TTN: variants seen among roughly 807,000 people sequenced by gnomAD.
TTN encodes the protein titin, also known as connectin.
TTN carries 1,525 observed loss-of-function variants against 3,223.0 expected under a neutral mutation model. The ratio of observed to expected loss-of-function variants is 0.47; its 90% CI spans 0.45 to 0.49. The LOEUF (loss-of-function observed/expected upper bound fraction) is 0.49. TTN is among the 20% of genes least tolerant of loss of function. The probability of loss-of-function intolerance (pLI) is 0.00; values close to 1 mark genes in which losing one functional copy is unlikely to be tolerated. For missense variants in TTN, 40,786 were observed against 43,424.0 expected, an observed-to-expected ratio of 0.94 and a Z score of 5.40; for synonymous variants, 14,094 against 15,161.0, an observed-to-expected ratio of 0.93 and a Z score of 5.17.
At chr2:178,748,438 C>T (rs1294353815) in intron 47 of TTN, 19 of 1,612,922 alleles carry the variant, frequency 1.2e-5, no homozygotes, top group East Asian at 2.2e-5. Flanking sequence ...CAGGTTGTAA[C>T]GTTTCAGGGC....
intron 281 of TTN, 82 bp downstream of exon 281, chr2:178,604,626 A>C: frequency 7.1e-7 from 1 of 1,417,636 alleles, no homozygotes; most frequent in Non-Finnish European, 9.5e-7. Context: ...TTAATTATCA[A>C]ATTCCAAGGT....
chr2:178,570,739 A>C lies in TTN; in HGVS notation c.75393T>G (p.Val25131=). 1 of 1,613,574 alleles carries C rather than the reference A, an allele frequency of 6.2e-7. No individual in the cohort carries two copies. The highest frequency in any genetic ancestry group is 1.1e-5 in the South Asian group (1 of 91,076). The change falls in exon 326 of 363, where the codon GTT becomes GTG. Residue 25131 remains valine, a synonymous_variant. Transcript: ENST00000589042. ...IVVHAGESFK[V]DADIYGKPIP... The stretch of plus-strand genomic sequence containing the variant: ...TTGGTTTGCCATAAATATCTGCATC[A>C]ACCTTGAATGATTCACCAGCATGAA...
intron 316 of TTN, 140 bp from the exon 317 acceptor site, chr2:178,580,749 C>T (rs1362271767): frequency 3.6e-6 from 3 of 829,302 alleles, no homozygotes; most frequent in Non-Finnish European, 5.5e-6. Flanking sequence ...ATACAATCCT[C>T]AAAATCATTT....
intron 33 of TTN, 108 bp downstream of exon 33, chr2:178,773,001 C>T (rs2091755888): frequency 7.0e-7 from 1 of 1,426,522 alleles, no homozygotes; most frequent in Non-Finnish European, 9.7e-7. Flanking sequence ...ACAGCATAAG[C>T]AGAGGCATGG....
rs1064795407 is a variant in TTN at position 178,563,537 on chromosome 2, G to GT, written c.82594dup (p.Thr27532AsnfsTer10). On this transcript the variant is annotated frameshift_variant, in exon 326 of 363. Transcript: ENST00000589042. LOFTEE classifies it high-confidence loss of function. The surrounding 1 kb of genome is among the most constrained non-coding windows in gnomAD (Gnocchi z 4.5). Reference sequence around the variant, plus strand: ...ATAGGAATGGCCTTCGGTAAGACCAGTTACCCTGAGCCGCAGATCCGTTAA... The same window carrying GT: ...ATAGGAATGGCCTTCGGTAAGACCAGTTTACCCTGAGCCGCAGATCCGTTAA... 1 of 1,613,656 alleles carries GT rather than the reference G, an allele frequency of 6.2e-7. No individual in the cohort carries two copies. Among genetic ancestry groups the GT allele is most frequent in the Non-Finnish European group, 8.5e-7 (1 of 1,179,758 alleles).
rs2049602716 is a variant in TTN at position 178,588,752 on chromosome 2, A to T, written c.62973T>A (p.Gly20991=). The change falls in exon 304 of 363, where the codon GGT becomes GGA. Residue 20991 remains glycine, a synonymous_variant. Coordinates refer to ENST00000589042, the MANE Select transcript of TTN (RefSeq NM_001267550.2). ...AAAAGTATCCAGTTATAGACTTTCC[A>T]CCATCATATTCAGGTGGATTCCAAA... ...TVVWNPPEYD[G]GKSITGYFLE... 1 of 1,613,090 alleles carries T rather than the reference A, an allele frequency of 6.2e-7. No homozygotes were observed. Among genetic ancestry groups the T allele is most frequent in the Admixed American group, 1.7e-5 (1 of 59,928 alleles).
intron 111 of TTN, 50 bp from the exon 112 acceptor site, chr2:178,698,964 TAACTAAAA>T (rs2074255619): frequency 2.8e-6 from 4 of 1,451,764 alleles, no homozygotes; most frequent in Non-Finnish European, 3.6e-6. Context: ...CTGGTGTAAG[TAACTAAAA>T]TGCTTTCAGG....
chr2:178,557,068 A>G lies in TTN; in HGVS notation c.88086T>C (p.Asp29362=), dbSNP rs1184300721. Residue 29362 remains aspartate, a synonymous_variant, in exon 330 of 363, where the codon GAT becomes GAC. Coordinates refer to ENST00000589042, the MANE Select transcript of TTN (RefSeq NM_001267550.2). ...TGTAGCCTGTAATCTTGCTACCTCC[A>G]TCGAAAGCTGGTTGTTGCCATGAAA... ...VSLSWQQPAF[D]GGSKITGYIV... is the part of the protein sequence containing the mutation. 1.2e-6 allele frequency: 2 copies of G among 1,613,716 alleles called. No homozygotes were observed. The highest frequency in any genetic ancestry group is 1.7e-5 in the Admixed American group (1 of 60,002).
Position 178,777,705 on chromosome 2 carries a change from A to G in TTN, c.4479T>C (p.Asp1493=), listed in dbSNP as rs1403235099. Residue 1493 remains aspartate (D), a splice_region_variant and synonymous_variant, in exon 25 of 363, where the codon GAT becomes GAC. Coordinates refer to ENST00000589042, the MANE Select transcript of TTN (RefSeq NM_001267550.2). ...TGAGCAAAAACTTATCACGCTTACCATCATGAAACCAGAACGTCTCTGGCA... is the reference window on the plus strand; with the variant it reads ...TGAGCAAAAACTTATCACGCTTACCGTCATGAAACCAGAACGTCTCTGGCA... The part of the protein sequence containing the change: ...RPMPETFWFH[D]GQQIVNDYTH... 6.2e-7 allele frequency: 1 copy of G among 1,614,088 alleles called. No homozygotes were observed. The highest frequency in any genetic ancestry group is 8.5e-7 in the Non-Finnish European group (1 of 1,179,956).
In TTN at chr2:178,561,934, C is replaced by T. The variant is rs2154160299; in HGVS notation, c.84198G>A (p.Glu28066=). Residue 28066 remains glutamate, a synonymous_variant, in exon 326 of 363, where the codon GAG becomes GAA. Transcript: ENST00000589042. ...AAATGGTTATGCTGTCACAACTAAC[C>T]TCATCAATACGTATAGGACCTGGAG... ...PGPPGPIRID[E]VSCDSITISW... is the part of the protein sequence containing the mutation. The T allele has an allele frequency of 6.2e-7, 1 of 1,613,452 alleles. No individual in the cohort carries two copies. The highest frequency in any genetic ancestry group is 8.5e-7 in the Non-Finnish European group (1 of 1,179,662).
chr2:178,736,734 T>G (rs1050707830), intron 49 of TTN, among the ~76,000 whole-genome samples: 7 of 152,194 alleles, frequency 4.6e-5, no homozygotes, highest in Non-Finnish European at 8.8e-5. Flanking sequence ...ATTCCTAAAT[T>G]GACCTAATTT....
intron 16 of TTN, 73 bp downstream of exon 16, chr2:178,783,997 G>A (rs950450536): frequency 1.2e-6 from 2 of 1,606,332 alleles, no homozygotes; most frequent in Non-Finnish European, 1.7e-6. Flanking sequence ...CTACTTTTCA[G>A]TACAAACTAG....
chr2:178,631,129 C>T lies in TTN; in HGVS notation c.43919G>A (p.Arg14640His), dbSNP rs752141195. The T allele has an allele frequency of 8.7e-6, 14 of 1,613,260 alleles. No homozygotes were observed. Among genetic ancestry groups the T allele is most frequent in the South Asian group, 7.7e-5 (7 of 91,068 alleles). Residue 14640 changes from arginine (R) to histidine (H), a missense_variant, in exon 237 of 363, where the codon CGC (arginine) becomes CAC (histidine). Arg to His is a conservative substitution (Grantham distance 29). Transcript: ENST00000589042. ...CAAGGCTTTCTTTAGGATTAGCATG[C>T]GTTTCTTGCCATCTGCCTTAATAAC... ...NAVIKADGKK[R>H]MLILKKALKS...
chr2:178,652,080 A>T lies in TTN; in HGVS notation c.39295+16T>A. On this transcript the variant is annotated intron_variant, in intron 204 of 362. Transcript: ENST00000589042. ...ATTTTTTTAAAAAACACTAATTTGA[A>T]TAGTTTCATTATTACCTTCAGGGGG... The T allele has an allele frequency of 1.2e-6, 2 of 1,613,194 alleles. No individual in the cohort carries two copies. The highest frequency in any genetic ancestry group is 1.7e-6 in the Non-Finnish European group (2 of 1,179,632).
chr2:178,625,447 T>A, intron 240 of TTN, 51 bp from the exon 241 acceptor site: 4 of 1,469,884 alleles, frequency 2.7e-6, no homozygotes, highest in South Asian at 1.5e-5. Flanking sequence ...AGTATATGGG[T>A]GCATTTAATT....
chr2:178,782,489 T>A, intron 19 of TTN, 50 bp downstream of exon 19: 1 of 1,613,748 alleles, frequency 6.2e-7, no homozygotes, highest in Non-Finnish European at 8.5e-7. Context: ...CTGGTGGGGC[T>A]GAAAGTCAAA....
chr2:178,564,296 G>C lies in TTN; in HGVS notation c.81836C>G (p.Pro27279Arg), dbSNP rs776798967. 6.2e-7 allele frequency: 1 copy of C among 1,613,492 alleles called. No homozygotes were observed. The change falls in exon 326 of 363, where the codon CCA (proline) becomes CGA (arginine). Residue 27279 changes from proline (P) to arginine (R), a missense_variant. Coordinates refer to ENST00000589042, the MANE Select transcript of TTN (RefSeq NM_001267550.2). ...AACAACGATGACATCTTTATATTTT[G>C]GATCCAGAGAGGCATTTGGTGCATC... is the stretch of plus-strand genomic sequence containing the variant. ...EIDAPNASLD[P>R]KYKDVIVVHA...
At chr2:178,635,401 G>T in intron 227 of TTN, 39 bp downstream of exon 227, 1 of 1,602,992 alleles carries the variant, frequency 6.2e-7, no homozygotes, top group East Asian at 2.2e-5. Flanking sequence ...TTACACATAC[G>T]CAAAACTTAT....
At chr2:178,790,870 T>C in intron 10 of TTN, 25 bp from the exon 11 acceptor site, 1 of 1,613,492 alleles carries the variant, frequency 6.2e-7, no homozygotes, top group Non-Finnish European at 8.5e-7. Flanking sequence ...AAAATAAAGA[T>C]TTGAGTTTCA....
Sources: gnomAD v4.1 joint callset for allele counts (sites outside exome capture counted in the v4.1 genomes callset) on GRCh38, gnomAD v4.1.1 for gene constraint, Gnocchi (gnomAD v3.1) non-coding constraint, MANE v1.5 for transcripts, NCBI Gene and HGNC (gene_info 2026-07-23, HGNC 2026-07-21) for gene names.